The following PDSS2 variants were observed in gnomAD, a reference collection of about 807,000 sequenced individuals.
The protein encoded by PDSS2 is all trans-polyprenyl-diphosphate synthase PDSS2.
Under a neutral mutation model 44.5 loss-of-function variants are expected in PDSS2, and 31 were observed. The ratio of observed to expected loss-of-function variants is 0.70; its 90% confidence interval spans 0.52 to 0.94. The LOEUF (loss-of-function observed/expected upper bound fraction) is 0.94, where lower values mean the gene tolerates loss of function less well. PDSS2 is among the 40% of genes least tolerant of loss of function. PDSS2 has a pLI of 0.00. For synonymous variants in PDSS2, 157 were observed against 180.3 expected (o/e 0.87, Z 1.03); for missense variants, 452 against 482.2 (o/e 0.94, Z 0.59).
chr6:107,181,934 C>T (rs1772000265), intron 7 of PDSS2, among the ~76,000 whole-genome samples: 1 of 151,318 alleles, frequency 6.6e-6, no homozygotes, highest in South Asian at 2.1e-4. Flanking sequence ...GAGAGGGTGG[C>T]ATGTTATATG....
chr6:107,442,926 C>T (rs544565562), intron 1 of PDSS2, among the ~76,000 whole-genome samples: 23 of 152,298 alleles, frequency 1.5e-4, no homozygotes, highest in African/African-American at 5.5e-4. Context: ...CTCGTTGAGA[C>T]CTTTTGCCAC....
chr6:107,403,907 T>C (rs1780225713), intron 1 of PDSS2, among the ~76,000 whole-genome samples: 1 of 152,200 alleles, frequency 6.6e-6, no homozygotes, highest in Admixed American at 6.5e-5. Flanking sequence ...TCCCCATTGT[T>C]TTGGCAATTA....
At chr6:107,188,993 C>A (rs1330470498) in intron 7 of PDSS2, among the ~76,000 whole-genome samples, 1 of 152,204 alleles carries the variant, frequency 6.6e-6, no homozygotes, top group East Asian at 1.9e-4. Flanking sequence ...TCACTGCAGC[C>A]TCAACTTCCT....
intron 1 of PDSS2, among the ~76,000 whole-genome samples, chr6:107,343,007 G>C (rs1443994537): frequency 6.6e-6 from 1 of 152,012 alleles, no homozygotes; most frequent in African/African-American, 2.4e-5. Context: ...TTTTTTAATG[G>C]AGATGGCAAT....
intron 1 of PDSS2, among the ~76,000 whole-genome samples, chr6:107,352,410 AT>A (rs1347526233): frequency 2.0e-5 from 3 of 152,212 alleles, no homozygotes; most frequent in Non-Finnish European, 4.4e-5. Flanking sequence ...AGATTCTAAA[AT>A]TCTATTAAAA....
chr6:107,223,239 T>A (rs1018329575), intron 4 of PDSS2, among the ~76,000 whole-genome samples: 21 of 150,906 alleles, frequency 1.4e-4, no homozygotes, highest in East Asian at 6.0e-4. Flanking sequence ...AACATTTTTT[T>A]AAAAAATTGG....
chr6:107,269,910 G>A (rs12196471), intron 3 of PDSS2, among the ~76,000 whole-genome samples: 8,363 of 151,826 alleles, frequency 0.055, 479 homozygotes, highest in African/African-American at 0.14. Flanking sequence ...CAAGTGATCC[G>A]CCTGCCTTAG....
intron 7 of PDSS2, among the ~76,000 whole-genome samples, chr6:107,181,611 C>T (rs1417430670): frequency 3.3e-5 from 5 of 150,362 alleles, no homozygotes; most frequent in South Asian, 2.1e-4. Flanking sequence ...TATGGATGGT[C>T]GGGCACCGTG....
At chr6:107,158,234 G>A (rs1554246051) in intron 7 of PDSS2, among the ~76,000 whole-genome samples, 1 of 149,888 alleles carries the variant, frequency 6.7e-6, no homozygotes, top group Non-Finnish European at 1.5e-5. Flanking sequence ...TGCCCAGGCT[G>A]GAGTGCAGTG....
At chr6:107,416,833 C>A (rs375603934) in intron 1 of PDSS2, among the ~76,000 whole-genome samples, 1 of 151,774 alleles carries the variant, frequency 6.6e-6, no homozygotes. Flanking sequence ...TGGGTATTTA[C>A]CACAGACCTT....
rs924846548 is a variant in PDSS2, at chr6:107,363,858, G to C, written c.297-29526C>G. ...TTAAGATACAGAGTTTTGACACACA[G>C]GTTCTCCAAGTCCCCACCAGAGCAG... On this transcript the variant is annotated intron_variant, in intron 1 of 7. Coordinates refer to ENST00000369037, the MANE Select transcript of PDSS2 (RefSeq NM_020381.4). Among the ~76,000 whole-genome samples, 12 of 152,142 alleles carry C rather than the reference G, an allele frequency of 7.9e-5. 1 individual carries two copies. The South Asian group carries it at 1.2e-3, about 16-fold the overall frequency.
intron 1 of PDSS2, among the ~76,000 whole-genome samples, chr6:107,452,133 A>C (rs1482850278): frequency 6.6e-6 from 1 of 152,066 alleles, no homozygotes. Flanking sequence ...GGTTCAAGGA[A>C]GCCTCCTGCC....
At chr6:107,366,887 C>A (rs147097104) in intron 1 of PDSS2, among the ~76,000 whole-genome samples, 1 of 151,958 alleles carries the variant, frequency 6.6e-6, no homozygotes. Flanking sequence ...AAGGCCCAGG[C>A]GCAGATGGTT....
intron 1 of PDSS2, among the ~76,000 whole-genome samples, chr6:107,403,069 C>T (rs1402612985): frequency 6.6e-6 from 1 of 152,178 alleles, no homozygotes; most frequent in Non-Finnish European, 1.5e-5. Flanking sequence ...CAAGGCAAGT[C>T]CCTTCCGCCT....
intron 6 of PDSS2, among the ~76,000 whole-genome samples, chr6:107,197,080 T>G (rs1214862077): frequency 6.6e-6 from 1 of 152,202 alleles, no homozygotes; most frequent in East Asian, 1.9e-4. Context: ...TATAAGTGTT[T>G]CTGTTCCAAA....
intron 1 of PDSS2, among the ~76,000 whole-genome samples, chr6:107,345,580 A>G (rs1319861144): frequency 6.6e-6 from 1 of 152,066 alleles, no homozygotes; most frequent in East Asian, 1.9e-4. Flanking sequence ...TGAAGCCAGT[A>G]AAAATCAGGA....
rs979731835 is a variant in PDSS2, at chr6:107,161,875, C to G, written c.1042-7098G>C. 2.8e-4 allele frequency among the ~76,000 whole-genome samples: 42 copies of G among 152,190 alleles called. 1 individual carries two copies. The highest frequency in any genetic ancestry group is 6.8e-3 in the Middle Eastern group (2 of 294). On this transcript the variant is annotated intron_variant, in intron 7 of 7. Coordinates refer to ENST00000369037, the MANE Select transcript of PDSS2 (RefSeq NM_020381.4). ...ATTTTTGTTCTATCTATATGTGTGT[C>G]TGTGTGTGTGTTTTCTGATCCATTT...
intron 1 of PDSS2, among the ~76,000 whole-genome samples, chr6:107,402,276 C>T (rs894665062): frequency 6.8e-6 from 1 of 147,066 alleles, no homozygotes; most frequent in African/African-American, 2.5e-5. Context: ...AAGACTCAGT[C>T]TCAAAAAAAA....
At chr6:107,158,423 G>A (rs1770992337) in intron 7 of PDSS2, among the ~76,000 whole-genome samples, 1 of 152,056 alleles carries the variant, frequency 6.6e-6, no homozygotes, top group African/African-American at 2.4e-5. Context: ...GACCTCAGGT[G>A]ATCTGCCCAC....
Sources: allele counts gnomAD v4.1 joint callset (sites outside exome capture counted in the v4.1 genomes callset), GRCh38; gene constraint gnomAD v4.1.1; transcripts MANE v1.5; gene names NCBI Gene and HGNC (gene_info 2026-07-23, HGNC 2026-07-21).